The following ZSCAN25 variants were observed in gnomAD, a reference collection of about 807,000 sequenced individuals.
ZSCAN25 encodes zinc finger and SCAN domain containing 25.
A neutral mutation model predicts 38.7 loss-of-function variants in ZSCAN25; 27 were observed. The observed-to-expected ratio is 0.70, with a 90% CI of 0.51 to 0.96. The LOEUF (loss-of-function observed/expected upper bound fraction) is 0.96, where lower values mean the gene tolerates loss of function less well. Among genes scored for constraint, ZSCAN25 ranks in the 40% least tolerant of loss-of-function variants. ZSCAN25 has a pLI of 0.00. For missense variants in ZSCAN25, 637 were observed against 705.9 expected (o/e 0.90, Z 1.11); for synonymous variants, 273 against 277.7 (o/e 0.98, Z 0.17).
the ZSCAN25 span, among the ~76,000 whole-genome samples, chr7:99,703,516 T>A: frequency 1.3e-5 from 2 of 152,182 alleles, no homozygotes; most frequent in African/African-American, 4.8e-5. Flanking sequence ...CATCTATCTA[T>A]ATATCTATCG....
the ZSCAN25 span, chr7:99,676,232 G>T: frequency 6.2e-7 from 1 of 1,612,698 alleles, no homozygotes; most frequent in Non-Finnish European, 8.5e-7. Context: ...CAGAAATCAG[G>T]TCACAGGGAT....
the ZSCAN25 span, among the ~76,000 whole-genome samples, chr7:99,681,410 G>A: frequency 6.6e-6 from 1 of 152,144 alleles, no homozygotes; most frequent in Non-Finnish European, 1.5e-5. Flanking sequence ...TATAGTGGTT[G>A]CACTAATTTA....
the ZSCAN25 span, among the ~76,000 whole-genome samples, chr7:99,641,477 A>G: frequency 6.6e-6 from 1 of 152,116 alleles, no homozygotes; most frequent in East Asian, 1.9e-4. Context: ...GCCAAACCAT[A>G]TCACCTCCCA....
At position 99,629,619 on chromosome 7, in the gene ZSCAN25, T is replaced by A; in HGVS notation, c.1234T>A (p.Phe412Ile). 6.2e-7 allele frequency: 1 copy of A among 1,614,084 alleles called. No homozygotes were observed. Among genetic ancestry groups the A allele is most frequent in the Non-Finnish European group, 8.5e-7 (1 of 1,180,024 alleles). The change falls in exon 8 of 8, where the codon TTC (phenylalanine) becomes ATC (isoleucine). Residue 412 changes from phenylalanine (F) to isoleucine (I), a missense_variant. Coordinates refer to ENST00000394152, the MANE Select transcript of ZSCAN25 (RefSeq NM_145115.3). This position sits in a 1 kb window ranked among gnomAD's most constrained non-coding sequence, Gnocchi z 5.6. The stretch of plus-strand genomic sequence containing the variant: ...CGTGTGCAGCGAGTGCTGGAAAACC[T>A]TCAGCCAGAGACACCACCTGGAGGT... ...PYVCSECWKTFSQRHHLEVHQ... is the reference protein window; with the variant it reads ...PYVCSECWKTISQRHHLEVHQ...
chr7:99,711,146 CA>C, the ZSCAN25 span, among the ~76,000 whole-genome samples: 1 of 152,188 alleles, frequency 6.6e-6, no homozygotes, highest in Non-Finnish European at 1.5e-5. Context: ...CCATCCCTGC[CA>C]CCTTCACAGC....
At chr7:99,721,098 C>A in the ZSCAN25 span, 2 of 152,788 alleles carry the variant, frequency 1.3e-5, no homozygotes, top group South Asian at 4.1e-4. Flanking sequence ...TGACAGGGAA[C>A]AGCTGCTGCA....
At chr7:99,687,102 A>G in the ZSCAN25 span, among the ~76,000 whole-genome samples, 1 of 152,238 alleles carries the variant, frequency 6.6e-6, no homozygotes, top group East Asian at 1.9e-4. Context: ...TGGAAACTCT[A>G]AAAAGCAGAG....
the ZSCAN25 span, among the ~76,000 whole-genome samples, chr7:99,658,006 C>T: frequency 6.6e-6 from 1 of 152,136 alleles, no homozygotes; most frequent in African/African-American, 2.4e-5. Flanking sequence ...TTCCTGAATA[C>T]AGCACACCGA....
the ZSCAN25 span, among the ~76,000 whole-genome samples, chr7:99,711,763 C>G: frequency 7.0e-6 from 1 of 143,544 alleles, no homozygotes; most frequent in African/African-American, 2.4e-5. Flanking sequence ...AGCGAAAACT[C>G]TGTCTCAAAA....
the ZSCAN25 span, chr7:99,713,590 T>G: frequency 6.2e-7 from 1 of 1,611,158 alleles, no homozygotes; most frequent in African/African-American, 1.3e-5. Flanking sequence ...AAGTCAGAAG[T>G]TAATCAGAAG....
the ZSCAN25 span, chr7:99,660,398 A>G: frequency 6.7e-7 from 1 of 1,483,266 alleles, no homozygotes; most frequent in Non-Finnish European, 8.9e-7. Context: ...TGAAGGAATC[A>G]GTGATTATGC....
At chr7:99,671,763 T>G in the ZSCAN25 span, 1 of 701,160 alleles carries the variant, frequency 1.4e-6, no homozygotes, top group African/African-American at 1.8e-5. Flanking sequence ...TTTGCTCTGA[T>G]ATAGAACCTG....
chr7:99,667,085 T>C, the ZSCAN25 span: 48 of 1,600,116 alleles, frequency 3.0e-5, no homozygotes, highest in Non-Finnish European at 4.0e-5. Context: ...AACAGAAACA[T>C]TTTTTCTCAC....
the ZSCAN25 span, chr7:99,665,436 A>G: frequency 8.2e-6 from 11 of 1,349,160 alleles, no homozygotes; most frequent in African/African-American, 2.9e-5. Flanking sequence ...TTTCAGAACT[A>G]TCTGCTGAAT....
At chr7:99,633,283 A>G (rs1373585475), downstream of ZSCAN25, among the ~76,000 whole-genome samples, 1 of 152,212 alleles carries the variant, frequency 6.6e-6, no homozygotes, top group Non-Finnish European at 1.5e-5. Flanking sequence ...GCAAGAACAC[A>G]TTATAGATTG....
chr7:99,698,977 G>C, the ZSCAN25 span, among the ~76,000 whole-genome samples: 1 of 152,174 alleles, frequency 6.6e-6, no homozygotes, highest in South Asian at 2.1e-4. Context: ...AAGTCAAATT[G>C]AGGTAGAAGT....
At chr7:99,678,180 C>T in the ZSCAN25 span, among the ~76,000 whole-genome samples, 1 of 152,224 alleles carries the variant, frequency 6.6e-6, no homozygotes, top group Non-Finnish European at 1.5e-5. Flanking sequence ...GTGACCGGCC[C>T]ACAACATGGC....
intron 7 of ZSCAN25, among the ~76,000 whole-genome samples, chr7:99,625,013 G>C (rs922621856): frequency 1.3e-5 from 2 of 152,004 alleles, no homozygotes; most frequent in African/African-American, 2.4e-5. Context: ...CATCTGTACC[G>C]ACCCCACCTA....
At chr7:99,633,204 C>A (rs1584378069), downstream of ZSCAN25, among the ~76,000 whole-genome samples, 1 of 152,158 alleles carries the variant, frequency 6.6e-6, no homozygotes, top group Admixed American at 6.5e-5. Context: ...ACATATTTCC[C>A]TGCCTTCTGT....
Sources: gnomAD v4.1 joint callset for allele counts (sites outside exome capture counted in the v4.1 genomes callset) on GRCh38, gnomAD v4.1.1 for gene constraint, Gnocchi (gnomAD v3.1) non-coding constraint, MANE v1.5 for transcripts, NCBI Gene and HGNC (gene_info 2026-07-23, HGNC 2026-07-21) for gene names.